Variants in LGR4 observed in about 807,000 individuals in gnomAD.
LGR4 encodes the protein leucine rich repeat containing G protein-coupled receptor 4.
LGR4 carries 44 observed loss-of-function variants against 84.8 expected under a neutral mutation model. That is an observed-to-expected ratio of 0.52 (90% CI 0.41 to 0.67). The LOEUF (loss-of-function observed/expected upper bound fraction) is 0.67, where lower values mean the gene tolerates loss of function less well. LGR4 is among the 30% of genes least tolerant of loss of function. The pLI is 0.00. For synonymous variants in LGR4, 429 were observed against 434.3 expected, an observed-to-expected ratio of 0.99 and a Z score of 0.15; for missense variants, 1,032 against 1,131.4, an observed-to-expected ratio of 0.91 and a Z score of 1.26.
chr11:27,413,074 C>T (rs1408880629), intron 1 of LGR4, among the ~76,000 whole-genome samples: 2 of 152,074 alleles, frequency 1.3e-5, no homozygotes, highest in African/African-American at 4.8e-5. Context: ...TAGAAATGTA[C>T]TCAGATCCTG....
chr11:27,449,445 G>A (rs1864445795), intron 1 of LGR4, among the ~76,000 whole-genome samples: 1 of 152,006 alleles, frequency 6.6e-6, no homozygotes, highest in African/African-American at 2.4e-5. Context: ...AGCCAGGTAT[G>A]GTGGCCTGTG....
chr11:27,373,672 C>G lies in LGR4; in HGVS notation c.1258G>C (p.Val420Leu). 6.4e-7 allele frequency: 1 copy of G among 1,571,022 alleles called. No individual in the cohort carries two copies. Among genetic ancestry groups the G allele is most frequent in the Non-Finnish European group, 8.6e-7 (1 of 1,156,466 alleles). The change falls in exon 15 of 18, where the codon GTA (valine) becomes CTA (leucine). Residue 420 changes from valine to leucine, a missense_variant. Coordinates refer to ENST00000379214, the MANE Select transcript of LGR4 (RefSeq NM_018490.5). ...ATLGPITNLD[V>L]SFNELTSFPT... ...AAGGAAGTTAATTCATTGAAACTTACATCTCTAAAATATGAATGAGACTTC... is the reference window on the plus strand; with the variant it reads ...AAGGAAGTTAATTCATTGAAACTTAGATCTCTAAAATATGAATGAGACTTC...
At chr11:27,436,445 G>A (rs998591734) in intron 1 of LGR4, among the ~76,000 whole-genome samples, 21 of 151,866 alleles carry the variant, frequency 1.4e-4, no homozygotes, top group Non-Finnish European at 3.1e-4. Flanking sequence ...AGGCACTAAT[G>A]AATGATTTTA....
chr11:27,425,141 G>T (rs544950383), intron 1 of LGR4, among the ~76,000 whole-genome samples: 1 of 152,184 alleles, frequency 6.6e-6, no homozygotes, highest in Non-Finnish European at 1.5e-5. Context: ...TTTGAACTTC[G>T]ATATGTTGAC....
intron 1 of LGR4, among the ~76,000 whole-genome samples, chr11:27,447,047 AG>A (rs1297693474): frequency 7.1e-6 from 1 of 141,054 alleles, no homozygotes; most frequent in African/African-American, 2.6e-5. Flanking sequence ...GGGTCAGGGG[AG>A]GGGGGAGGGA....
At chr11:27,382,965 C>T (rs189139883) in intron 6 of LGR4, among the ~76,000 whole-genome samples, 7 of 151,882 alleles carry the variant, frequency 4.6e-5, no homozygotes, top group Non-Finnish European at 1.0e-4. Flanking sequence ...TGCAGTGAGC[C>T]GAGATCATGC....
At chr11:27,391,541 G>A (rs568281308) in intron 3 of LGR4, among the ~76,000 whole-genome samples, 62 of 152,170 alleles carry the variant, frequency 4.1e-4, no homozygotes, top group South Asian at 1.0e-3. Context: ...AAGCAAATCC[G>A]TTGGAATTCC....
Position 27,384,149 on chromosome 11 carries a change from T to C in LGR4, c.689+187A>G, listed in dbSNP as rs1179695811. Reference sequence around the variant, plus strand: ...AAAATATGCAATTCACACTTTGCCATTTTTAGCCATGGACTTAGATTAGTA... The same window carrying C: ...AAAATATGCAATTCACACTTTGCCACTTTTAGCCATGGACTTAGATTAGTA... On this transcript the variant is annotated intron_variant, in intron 6 of 17. Transcript: ENST00000379214. The C allele has an allele frequency of 1.2e-5, 6 of 497,642 alleles. No homozygotes were observed. In the East Asian group the frequency reaches 2.0e-4, roughly 17 times the overall value. The allele number at this position is 497,642 out of a possible 1,614,324, so 30.8% of individuals were successfully genotyped here.
At chr11:27,374,765 A>AT (rs1242642682) in intron 13 of LGR4, among the ~76,000 whole-genome samples, 1 of 152,182 alleles carries the variant, frequency 6.6e-6, no homozygotes, top group Non-Finnish European at 1.5e-5. Context: ...AGTGTCACTT[A>AT]TCAGTTTCTA....
chr11:27,434,461 C>T (rs1272244857), intron 1 of LGR4, among the ~76,000 whole-genome samples: 1 of 152,186 alleles, frequency 6.6e-6, no homozygotes, highest in Non-Finnish European at 1.5e-5. Context: ...GCCTTACATA[C>T]CCAAAGTAAA....
At chr11:27,466,789 T>A (rs28612949) in intron 1 of LGR4, among the ~76,000 whole-genome samples, 1 of 152,132 alleles carries the variant, frequency 6.6e-6, no homozygotes, top group Non-Finnish European at 1.5e-5. Flanking sequence ...ATGTCTTTTT[T>A]ATTTTTTTTT....
intron 17 of LGR4, among the ~76,000 whole-genome samples, chr11:27,369,991 A>G (rs1453290261): frequency 1.3e-5 from 2 of 152,206 alleles, no homozygotes; most frequent in Admixed American, 1.3e-4. Flanking sequence ...CATTGCAAGA[A>G]CTCATTCAGT....
At position 27,382,182 on chromosome 11, in the gene LGR4, A is replaced by G; in HGVS notation, c.758+6T>C. 1 of 1,575,638 alleles carries G rather than the reference A, an allele frequency of 6.3e-7. No individual in the cohort carries two copies. Among genetic ancestry groups the G allele is most frequent in the Non-Finnish European group, 8.7e-7 (1 of 1,146,072 alleles). ...GAAGACATAAAGAGAATGAAGCAAT[A>G]CTCACAGCTCTTTAAGGCTAGGAAG... On this transcript the variant is annotated splice_donor_region_variant and intron_variant, in intron 7 of 17. Transcript: ENST00000379214.
Position 27,373,989 on chromosome 11 carries a change from C to T in LGR4, c.1239G>A (p.Gly413=). The change falls in exon 14 of 18, where the codon GGG becomes GGA. Residue 413 remains glycine, a synonymous_variant. Coordinates refer to ENST00000379214, the MANE Select transcript of LGR4 (RefSeq NM_018490.5). ...EIHSRAFATL[G]PITNLDVSFN... is the part of the protein sequence containing the mutation. Reference sequence around the variant, plus strand: ...CATCCACTTACAGGTTAGTTATTGGCCCAAGTGTGGCAAAAGCTCTACTGT... The same window carrying T: ...CATCCACTTACAGGTTAGTTATTGGTCCAAGTGTGGCAAAAGCTCTACTGT... 6.2e-7 allele frequency: 1 copy of T among 1,610,312 alleles called. No individual in the cohort carries two copies. Among genetic ancestry groups the T allele is most frequent in the East Asian group, 2.2e-5 (1 of 44,806 alleles).
intron 1 of LGR4, among the ~76,000 whole-genome samples, chr11:27,438,995 C>T (rs759070874): frequency 2.6e-5 from 4 of 151,962 alleles, no homozygotes; most frequent in Non-Finnish European, 2.9e-5. Context: ...AGGCTAATAC[C>T]GGCCCCTACA....
chr11:27,373,784 G>T, intron 14 of LGR4, 108 bp from the exon 15 acceptor site: 1 of 1,141,744 alleles, frequency 8.8e-7, no homozygotes, highest in Non-Finnish European at 1.2e-6. Context: ...TGAAGTTCAA[G>T]TGGGGGTGCT....
intron 1 of LGR4, among the ~76,000 whole-genome samples, chr11:27,415,475 AT>A (rs1863798572): frequency 1.3e-5 from 2 of 152,010 alleles, no homozygotes; most frequent in Admixed American, 1.3e-4. Context: ...CACAGCTCTG[AT>A]TTTTTTCCTT....
At chr11:27,460,526 T>C (rs1407804762) in intron 1 of LGR4, among the ~76,000 whole-genome samples, 8 of 152,256 alleles carry the variant, frequency 5.3e-5, no homozygotes, top group Admixed American at 5.2e-4. Flanking sequence ...AAACCCATCA[T>C]GGAAGCCAGC....
rs1863304225 is a variant in LGR4 at position 27,392,507 on chromosome 11, C to T, written c.269G>A (p.Gly90Asp). Residue 90 changes from glycine (G) to aspartate (D), a missense_variant, in exon 3 of 18, where the codon GGC becomes GAC. Gly to Asp is a moderately conservative substitution (Grantham distance 94). Transcript: ENST00000379214. ...FPFLEELQLAGNDLSFIHPKA... is the reference protein window; with the variant it reads ...FPFLEELQLADNDLSFIHPKA... Reference sequence around the variant, plus strand: ...TGGGTGGATAAAAGAAAGGTCGTTGCCCGCCAATTGTCTAGAGAAAAAAAA... The same window carrying T: ...TGGGTGGATAAAAGAAAGGTCGTTGTCCGCCAATTGTCTAGAGAAAAAAAA... 6.3e-7 allele frequency: 1 copy of T among 1,584,300 alleles called. No individual in the cohort carries two copies. The highest frequency in any genetic ancestry group is 8.6e-7 in the Non-Finnish European group (1 of 1,169,274).
Sources: allele counts gnomAD v4.1 joint callset (sites outside exome capture counted in the v4.1 genomes callset), GRCh38; gene constraint gnomAD v4.1.1; transcripts MANE v1.5; gene names NCBI Gene and HGNC (gene_info 2026-07-23, HGNC 2026-07-21).